Variants in SCLT1 observed in about 807,000 individuals in gnomAD.
SCLT1 encodes sodium channel and clathrin linker 1.
A neutral mutation model predicts 112.8 loss-of-function variants in SCLT1; 78 were observed. The ratio of observed to expected loss-of-function variants is 0.69; its 90% CI spans 0.58 to 0.83. The LOEUF (loss-of-function observed/expected upper bound fraction) is 0.83, where lower values mean the gene tolerates loss of function less well. Among genes scored for constraint, SCLT1 ranks in the 40% least tolerant of loss-of-function variants. The probability of loss-of-function intolerance (pLI) is 0.00; values close to 1 mark genes in which losing one functional copy is unlikely to be tolerated. For synonymous variants in SCLT1, 257 were observed against 254.7 expected (o/e 1.01, Z -0.09); for missense variants, 747 against 770.4 (o/e 0.97, Z 0.36).
chr4:129,011,597 ATAG>A (rs1744528137), intron 5 of SCLT1, among the ~76,000 whole-genome samples: 1 of 151,284 alleles, frequency 6.6e-6, no homozygotes, highest in Non-Finnish European at 1.5e-5. Flanking sequence ...TTTTTTTGGA[ATAG>A]TTTCAGTAGA....
At chr4:129,043,080 G>T (rs1281703070) in intron 4 of SCLT1, among the ~76,000 whole-genome samples, 1 of 150,234 alleles carries the variant, frequency 6.7e-6, no homozygotes, top group Non-Finnish European at 1.5e-5. Flanking sequence ...TCAAAAAAAA[G>T]AAAAGAAAAA....
In SCLT1 at chr4:128,957,103, T is replaced by C. The variant is rs769393409; in HGVS notation, c.1069A>G (p.Lys357Glu). 2.5e-6 allele frequency: 4 copies of C among 1,596,892 alleles called. No homozygotes were observed. The highest frequency in any genetic ancestry group is 3.4e-6 in the Non-Finnish European group (4 of 1,168,158). ...KSQALLEEKQ[K>E]EEDIEKMKET... ...TTCATTTTCTCTATGTCTTCTTCTT[T>C]TTGCTTCTCCTCAAGTAGAGCCTTC... The change falls in exon 13 of 21, where the codon AAA becomes GAA. Residue 357 changes from lysine (K) to glutamate (E), a missense_variant. Lys to Glu is a moderately conservative substitution (Grantham distance 56, BLOSUM62 1). Around this residue, in one of 2 missense-constraint regions of SCLT1, gnomAD observed 723 missense variants for 721.3 expected, o/e 1.00. Coordinates refer to ENST00000281142, the MANE Select transcript of SCLT1 (RefSeq NM_144643.4).
intron 18 of SCLT1, among the ~76,000 whole-genome samples, chr4:128,924,843 C>T (rs1012459911): frequency 2.0e-5 from 3 of 152,170 alleles, no homozygotes; most frequent in African/African-American, 7.2e-5. Flanking sequence ...CAGGGACTCA[C>T]TTTTAATTGA....
chr4:128,897,682 T>C (rs1240173310), intron 18 of SCLT1, among the ~76,000 whole-genome samples: 3 of 152,176 alleles, frequency 2.0e-5, no homozygotes, highest in Non-Finnish European at 2.9e-5. Flanking sequence ...ATATTAATCT[T>C]AAATGTAAAT....
intron 2 of SCLT1, among the ~76,000 whole-genome samples, chr4:129,055,530 G>C (rs1749280340): frequency 6.6e-6 from 1 of 152,152 alleles, no homozygotes. Context: ...GCTGCATTGT[G>C]TTGAGTTCTG....
At chr4:129,081,928 A>G (rs1751976458) in intron 2 of SCLT1, among the ~76,000 whole-genome samples, 1 of 152,182 alleles carries the variant, frequency 6.6e-6, no homozygotes, top group South Asian at 2.1e-4. Flanking sequence ...AGAAGATATG[A>G]CAACCAAGGA....
intron 5 of SCLT1, among the ~76,000 whole-genome samples, chr4:129,009,000 T>G (rs1435838699): frequency 1.3e-5 from 2 of 152,218 alleles, no homozygotes; most frequent in Non-Finnish European, 2.9e-5. Flanking sequence ...GATCTTGTTC[T>G]TTTTTATGGA....
At chr4:128,902,457 T>C (rs890053195) in intron 18 of SCLT1, among the ~76,000 whole-genome samples, 2 of 152,190 alleles carry the variant, frequency 1.3e-5, no homozygotes, top group Non-Finnish European at 2.9e-5. Context: ...CATGTTACTG[T>C]AGTGAAGACT....
At chr4:128,973,937 A>G (rs1015986618) in intron 9 of SCLT1, among the ~76,000 whole-genome samples, 28 of 152,144 alleles carry the variant, frequency 1.8e-4, no homozygotes, top group Admixed American at 7.9e-4. Context: ...TTGAAAAAAA[A>G]TCTAAAATAA....
At chr4:128,874,760 C>T (rs955813749) in intron 4 of SCLT1, 5 of 152,504 alleles carry the variant, frequency 3.3e-5, no homozygotes, top group Admixed American at 3.3e-4. Flanking sequence ...TTTCCTTGTG[C>T]ATCCTGACCA....
At chr4:129,057,465 C>T (rs1456078271) in intron 2 of SCLT1, among the ~76,000 whole-genome samples, 30 of 145,628 alleles carry the variant, frequency 2.1e-4, no homozygotes, top group African/African-American at 6.8e-4. Flanking sequence ...GGACTACAGG[C>T]GTGCGCCATC....
intron 11 of SCLT1, among the ~76,000 whole-genome samples, chr4:128,964,014 G>C (rs1423655029): frequency 6.6e-6 from 1 of 152,034 alleles, no homozygotes; most frequent in Non-Finnish European, 1.5e-5. Flanking sequence ...TTTAGAAAAA[G>C]ACAAATATAT....
intron 18 of SCLT1, among the ~76,000 whole-genome samples, chr4:128,895,237 C>T (rs1386230316): frequency 6.6e-6 from 1 of 152,140 alleles, no homozygotes; most frequent in African/African-American, 2.4e-5. Flanking sequence ...AACCATGTAT[C>T]TCTAGCATAT....
intron 18 of SCLT1, among the ~76,000 whole-genome samples, chr4:128,900,056 C>A (rs141905584): frequency 6.6e-6 from 1 of 152,194 alleles, no homozygotes; most frequent in African/African-American, 2.4e-5. Flanking sequence ...ACATTCCACA[C>A]GCATGGGTAG....
intron 3 of SCLT1, among the ~76,000 whole-genome samples, chr4:129,043,681 A>G (rs892270477): frequency 1.3e-5 from 2 of 152,176 alleles, no homozygotes; most frequent in East Asian, 1.9e-4. Flanking sequence ...AGACTGTGCA[A>G]TGAAGGATGT....
intron 18 of SCLT1, among the ~76,000 whole-genome samples, chr4:128,933,942 CCACA>C (rs935146847): frequency 2.6e-5 from 4 of 151,904 alleles, no homozygotes; most frequent in African/African-American, 9.7e-5. Flanking sequence ...AGGCTTTATC[CCACA>C]CAGTCTAATT....
chr4:128,991,901 T>C (rs554348114), intron 9 of SCLT1, among the ~76,000 whole-genome samples: 43 of 151,986 alleles, frequency 2.8e-4, no homozygotes, highest in African/African-American at 8.9e-4. Context: ...AAGATGTGCA[T>C]AGGCTATATA....
chr4:128,927,074 C>T (rs539853624), intron 18 of SCLT1, among the ~76,000 whole-genome samples: 27 of 150,996 alleles, frequency 1.8e-4, no homozygotes, highest in Admixed American at 1.4e-3. Context: ...CTAAATAATA[C>T]AATAAAAACA....
intron 11 of SCLT1, among the ~76,000 whole-genome samples, chr4:128,960,922 G>A (rs1230753878): frequency 6.4e-5 from 3 of 46,976 alleles, no homozygotes; most frequent in African/African-American, 4.9e-4. Context: ...GCGAGACTCC[G>A]TCTCAAAAAA....
Sources: gnomAD v4.1 joint callset for allele counts (sites outside exome capture counted in the v4.1 genomes callset) on GRCh38, gnomAD v4.1.1 for gene constraint, gnomAD v4.1.1 regional missense constraint, MANE v1.5 for transcripts, NCBI Gene and HGNC (gene_info 2026-07-23, HGNC 2026-07-21) for gene names.